DCTN2: variants seen among roughly 807,000 people sequenced by gnomAD.
DCTN2 encodes 50 kDa dynein-associated polypeptide.
A neutral mutation model predicts 55.4 loss-of-function variants in DCTN2; 18 were observed. The ratio of observed to expected loss-of-function variants is 0.32; its 90% CI spans 0.22 to 0.48. The LOEUF (loss-of-function observed/expected upper bound fraction) is 0.48, where lower values mean the gene tolerates loss of function less well. Ranked by LOEUF, DCTN2 falls within the 20% of genes least tolerant of loss-of-function variation. The pLI is 0.99. For missense variants in DCTN2, 390 were observed against 491.0 expected (o/e 0.79, Z 1.94); for synonymous variants, 168 against 185.2 (o/e 0.91, Z 0.76).
In DCTN2 at chr12:57,532,827, G is replaced by C; in HGVS notation, c.775-17C>G. 6.2e-7 allele frequency: 1 copy of C among 1,613,834 alleles called. No homozygotes were observed. The highest frequency in any genetic ancestry group is 1.3e-5 in the African/African-American group (1 of 74,980). On this transcript the variant is annotated splice_polypyrimidine_tract_variant and intron_variant, in intron 9 of 13. Coordinates refer to ENST00000548249, the MANE Select transcript of DCTN2 (RefSeq NM_001261413.2). ...TACAGTCTCCTGGGGATGGAAGTTG[G>C]GACAAGCATCATGAAGAGGAAAGGC...
chr12:57,546,012 C>T lies in DCTN2; in HGVS notation c.105+16G>A, dbSNP rs762675789. 6 of 1,613,170 alleles carry T rather than the reference C, an allele frequency of 3.7e-6. No individual in the cohort carries two copies. In the African/African-American group the frequency reaches 6.7e-5, roughly 18 times the overall value. ...GGTCAGAGTCCGGAGGAGTCTGTGG[C>T]AGCACACATTCTTACCGCATCGAAC... On this transcript the variant is annotated intron_variant, in intron 2 of 13. Coordinates refer to ENST00000548249, the MANE Select transcript of DCTN2 (RefSeq NM_001261413.2).
chr12:57,535,409 T>G, intron 4 of DCTN2, 75 bp downstream of exon 4: 1 of 1,562,512 alleles, frequency 6.4e-7, no homozygotes, highest in Non-Finnish European at 8.8e-7. Flanking sequence ...CTGTATCCCT[T>G]GATCTCCCTA....
intron 2 of DCTN2, among the ~76,000 whole-genome samples, chr12:57,540,506 C>G (rs1197319558): frequency 6.6e-6 from 1 of 152,138 alleles, no homozygotes; most frequent in South Asian, 2.1e-4. Context: ...TTACCTAGTA[C>G]GTGACTCCCA....
chr12:57,538,350 G>T, intron 2 of DCTN2: 1 of 661,190 alleles, frequency 1.5e-6, no homozygotes. Flanking sequence ...TTGAAGATCT[G>T]GGGCATGAGT....
chr12:57,538,131 A>G, intron 2 of DCTN2: 1 of 341,290 alleles, frequency 2.9e-6, no homozygotes, highest in Non-Finnish European at 5.7e-6. Context: ...CTAAGTAGGG[A>G]AAGCGGGGAG....
In DCTN2 at chr12:57,535,823, A is replaced by G. The variant is rs780905551; in HGVS notation, c.128T>C (p.Val43Ala). Residue 43 changes from valine to alanine, a missense_variant, in exon 3 of 14, where the codon GTG becomes GCG. Physicochemically the swap from Val to Ala is moderately conservative, Grantham distance 64. This residue lies in a region of DCTN2 where 117 missense variants were observed against 187.8 expected (regional missense o/e 0.62). Transcript: ENST00000548249. Reference protein sequence around the residue: ...FDAEELTSTSVEHIIVNPNAA... With the variant: ...FDAEELTSTSAEHIIVNPNAA... ...ATTAGGATTGACAATGATGTGTTCCACACTTGTGCTTGTCAGCTCCTCCTG... is the reference window on the plus strand; with the variant it reads ...ATTAGGATTGACAATGATGTGTTCCGCACTTGTGCTTGTCAGCTCCTCCTG... 2 of 1,613,714 alleles carry G rather than the reference A, an allele frequency of 1.2e-6. No homozygotes were observed. Among genetic ancestry groups the G allele is most frequent in the Non-Finnish European group, 1.7e-6 (2 of 1,179,770 alleles).
chr12:57,535,438 G>C (rs1221361117), intron 4 of DCTN2, 46 bp downstream of exon 4: 3 of 1,604,092 alleles, frequency 1.9e-6, no homozygotes, highest in Non-Finnish European at 1.7e-6. Context: ...CTGCTAGATA[G>C]GGTCACTACA....
chr12:57,541,976 G>A (rs981667238), intron 2 of DCTN2, among the ~76,000 whole-genome samples: 3 of 152,186 alleles, frequency 2.0e-5, no homozygotes, highest in Non-Finnish European at 4.4e-5. Flanking sequence ...TAAAGGGATA[G>A]TAGAAAAATC....
In DCTN2 at chr12:57,547,163, G is replaced by T; in HGVS notation, c.-100C>A. ...GGTTCGGGTCCCGGGCTAAGGCGGC[G>T]GCAAAGGGAGCGGCAGATGAGCAGG... On this transcript the variant is annotated 5_prime_UTR_variant, in exon 1 of 14. Transcript: ENST00000548249. 4 of 1,007,096 alleles carry T rather than the reference G, an allele frequency of 4.0e-6. No individual in the cohort carries two copies. The highest frequency in any genetic ancestry group is 3.3e-5 in the East Asian group (1 of 30,568). The allele number at this position is 1,007,096 out of a possible 1,614,324, so 62.4% of individuals were successfully genotyped here.
intron 2 of DCTN2, chr12:57,538,405 G>A: frequency 1.4e-6 from 1 of 697,304 alleles, no homozygotes; most frequent in Non-Finnish European, 2.6e-6. Flanking sequence ...GGAAAAGGCT[G>A]GGTGTGGGAC....
Position 57,538,500 on chromosome 12 carries a change from G to GAA in DCTN2, c.106-2657_106-2656dup, listed in dbSNP as rs777467039. On this transcript the variant is annotated intron_variant, in intron 2 of 13. Coordinates refer to ENST00000548249, the MANE Select transcript of DCTN2 (RefSeq NM_001261413.2). ...TAGCACACCCCGTTAAAAAGCAGAT[G>GAA]AAAGGTCAGGCTTCTTACCAGCTCC... 3.2e-5 allele frequency: 24 copies of GAA among 761,550 alleles called. No homozygotes were observed. The African/African-American group carries it at 3.5e-4, about 11-fold the overall frequency. 47.2% of individuals were successfully genotyped at this position (761,550 alleles called of 1,614,324 possible).
intron 2 of DCTN2, chr12:57,543,663 T>G: frequency 1.5e-6 from 1 of 657,786 alleles, no homozygotes; most frequent in Non-Finnish European, 1.9e-6. Flanking sequence ...GGAAACATCT[T>G]GGCTCTTCGG....
chr12:57,533,136 G>A (rs566669140), intron 8 of DCTN2, 102 bp downstream of exon 8: 1 of 1,558,264 alleles, frequency 6.4e-7, no homozygotes, highest in East Asian at 2.3e-5. Context: ...TGTAACTGAA[G>A]CCCTTTGATG....
At chr12:57,545,875 C>G in intron 2 of DCTN2, 153 bp downstream of exon 2, 1 of 651,656 alleles carries the variant, frequency 1.5e-6, no homozygotes, top group Non-Finnish European at 2.6e-6. Flanking sequence ...GCTGCAAGCC[C>G]AGCAAGGTCT....
chr12:57,547,086 G>A lies in DCTN2; in HGVS notation c.-23C>T. 1 of 1,264,628 alleles carries A rather than the reference G, an allele frequency of 7.9e-7. No homozygotes were observed. Among genetic ancestry groups the A allele is most frequent in the East Asian group, 3.1e-5 (1 of 32,596 alleles). 78.3% of individuals were successfully genotyped at this position (1,264,628 alleles called of 1,614,324 possible). Reference sequence around the variant, plus strand: ...CATGGCGGCGGCGAGACGGGCTGGGGGACCCGGGCCTCGGTGGAGCCGGGG... The same window carrying A: ...CATGGCGGCGGCGAGACGGGCTGGGAGACCCGGGCCTCGGTGGAGCCGGGG... On this transcript the variant is annotated 5_prime_UTR_variant, in exon 1 of 14. Transcript: ENST00000548249.
At chr12:57,543,755 A>C in intron 2 of DCTN2, 31 of 1,275,426 alleles carry the variant, frequency 2.4e-5, no homozygotes, top group Non-Finnish European at 3.2e-5. Flanking sequence ...AGGTGACAGA[A>C]ACAATTCAGC....
Position 57,533,317 on chromosome 12 carries a change from G to A in DCTN2, c.670-14C>T, listed in dbSNP as rs748231491. 7 of 1,613,668 alleles carry A rather than the reference G, an allele frequency of 4.3e-6. No homozygotes were observed. In the East Asian group the frequency reaches 8.9e-5, roughly 21 times the overall value. ...AAGTTCTGCGACCTAGTGGGAGGAA[G>A]GAGGTGAGATTTGCCATCTGCTTCC... On this transcript the variant is annotated splice_polypyrimidine_tract_variant and intron_variant, in intron 7 of 13. Transcript: ENST00000548249.
chr12:57,537,759 G>C lies in DCTN2; in HGVS notation c.106-1914C>G, dbSNP rs571507327. Reference sequence around the variant, plus strand: ...CAATGTCCCATATGCAAGTGCCCGGGGGGAGAGACATTTGAGTCCCAAATG... The same window carrying C: ...CAATGTCCCATATGCAAGTGCCCGGCGGGAGAGACATTTGAGTCCCAAATG... On this transcript the variant is annotated intron_variant, in intron 2 of 13. Coordinates refer to ENST00000548249, the MANE Select transcript of DCTN2 (RefSeq NM_001261413.2). 2.6e-5 allele frequency among the ~76,000 whole-genome samples: 4 copies of C among 152,292 alleles called. No homozygotes were observed. In the South Asian group the frequency reaches 6.2e-4, roughly 24 times the overall value.
At chr12:57,546,851 G>C (rs1341737937) in intron 1 of DCTN2, among the ~76,000 whole-genome samples, 177 bp downstream of exon 1, 1 of 152,206 alleles carries the variant, frequency 6.6e-6, no homozygotes, top group Non-Finnish European at 1.5e-5. Flanking sequence ...CCGGCGGCCC[G>C]GCCCAGTCGG....
Sources: gnomAD v4.1 joint callset for allele counts (sites outside exome capture counted in the v4.1 genomes callset) on GRCh38, gnomAD v4.1.1 for gene constraint, gnomAD v4.1.1 regional missense constraint, MANE v1.5 for transcripts, NCBI Gene and HGNC (gene_info 2026-07-23, HGNC 2026-07-21) for gene names.